The following WDR70 variants were observed in gnomAD, a reference collection of about 807,000 sequenced individuals.
WDR70 encodes WD repeat domain 70.
Under a neutral mutation model 88.6 loss-of-function variants are expected in WDR70, and 53 were observed. That is an observed-to-expected ratio of 0.60 (90% confidence interval 0.48 to 0.75). The LOEUF is 0.75. Among genes scored for constraint, WDR70 ranks in the 30% least tolerant of loss-of-function variants. The pLI is 0.00. For synonymous variants in WDR70, 280 were observed against 270.0 expected (o/e 1.04, Z -0.36); for missense variants, 610 against 823.2 (o/e 0.74, Z 3.17).
chr5:37,650,565 G>T (rs78499569), intron 10 of WDR70, among the ~76,000 whole-genome samples: 36 of 152,294 alleles, frequency 2.4e-4, no homozygotes, highest in African/African-American at 8.7e-4. Context: ...AAGTAAAAAT[G>T]TATGCGTTTA....
rs756805874 is a variant in WDR70, at chr5:37,724,961, C to T, written c.1625C>T (p.Pro542Leu). 60 of 1,613,428 alleles carry T rather than the reference C, an allele frequency of 3.7e-5. No individual in the cohort carries two copies. Among genetic ancestry groups the T allele is most frequent in the Non-Finnish European group, 5.0e-5 (59 of 1,179,694 alleles). Residue 542 changes from proline to leucine, a missense_variant, in exon 16 of 18, where the codon CCC (proline) becomes CTC (leucine). Physicochemically the swap from Pro to Leu is moderately conservative, Grantham distance 98. Transcript: ENST00000265107. ...CATGCCTTGCCTATGTTCCGTGAGC[C>T]CCGCCAACGGAGTACAAGGAAACAG... The part of the protein sequence containing the change: ...TPHALPMFRE[P>L]RQRSTRKQLE...
At chr5:37,664,934 G>A (rs1745796059) in intron 10 of WDR70, among the ~76,000 whole-genome samples, 1 of 152,224 alleles carries the variant, frequency 6.6e-6, no homozygotes, top group Non-Finnish European at 1.5e-5. Context: ...GTGTCATACA[G>A]TTTCAAGGCA....
chr5:37,624,515 C>G (rs1191753590), intron 10 of WDR70, among the ~76,000 whole-genome samples: 1 of 152,160 alleles, frequency 6.6e-6, no homozygotes, highest in Non-Finnish European at 1.5e-5. Context: ...ATACAGGTAT[C>G]TTTTTGACAC....
At chr5:37,495,462 C>G (rs4869518) in intron 8 of WDR70, among the ~76,000 whole-genome samples, 1 of 151,618 alleles carries the variant, frequency 6.6e-6, no homozygotes, top group Non-Finnish European at 1.5e-5. Flanking sequence ...CTCTCTCTCT[C>G]TCTTTCTCTC....
rs1581345864 is a variant in WDR70 at position 37,505,716 on chromosome 5, G to C, written c.841-10798G>C. On this transcript the variant is annotated intron_variant, in intron 8 of 17. Transcript: ENST00000265107. The stretch of plus-strand genomic sequence containing the variant: ...TCTGACATTTTGCGACATGTATAGT[G>C]GTGTCAGCATCTCTTCAAATATAGC... 4.6e-6 allele frequency: 5 copies of C among 1,093,308 alleles called. No individual in the cohort carries two copies. In the East Asian group the frequency reaches 1.2e-4, roughly 26 times the overall value. The allele number at this position is 1,093,308 out of a possible 1,614,324, so 67.7% of individuals were successfully genotyped here. A position where few individuals can be genotyped will look rare whatever the true frequency, so the allele number is the denominator to read the frequency against.
At chr5:37,642,840 G>GT (rs1745138695) in intron 10 of WDR70, among the ~76,000 whole-genome samples, 1 of 152,016 alleles carries the variant, frequency 6.6e-6, no homozygotes, top group South Asian at 2.1e-4. Context: ...TAGATTATTA[G>GT]TTTTTTTCCA....
At chr5:37,415,359 C>G (rs1169264729) in intron 5 of WDR70, among the ~76,000 whole-genome samples, 17 of 139,320 alleles carry the variant, frequency 1.2e-4, no homozygotes, top group Admixed American at 6.5e-4. Flanking sequence ...TAGGGGCGGC[C>G]GGGCAGAGGC....
At chr5:37,579,933 A>T (rs1743171766) in intron 9 of WDR70, among the ~76,000 whole-genome samples, 1 of 152,152 alleles carries the variant, frequency 6.6e-6, no homozygotes, top group Non-Finnish European at 1.5e-5. Context: ...AGATTAATAT[A>T]CTTAAAAATT....
chr5:37,499,587 T>TTC (rs72226896), intron 8 of WDR70, among the ~76,000 whole-genome samples: 485 of 41,800 alleles, frequency 0.012, 6 homozygotes, highest in African/African-American at 0.026. Flanking sequence ...TTTGGAAATA[T>TTC]TCTCTCTCTC....
chr5:37,486,588 G>A (rs986769385), intron 8 of WDR70, among the ~76,000 whole-genome samples: 10 of 152,180 alleles, frequency 6.6e-5, no homozygotes, highest in Admixed American at 4.6e-4. Flanking sequence ...CATGTGATCC[G>A]CCTGCCTTGG....
intron 17 of WDR70, among the ~76,000 whole-genome samples, chr5:37,746,374 G>A (rs1234506151): frequency 5.3e-5 from 8 of 151,960 alleles, no homozygotes; most frequent in Middle Eastern, 6.8e-3. Flanking sequence ...GAGCTAGAGC[G>A]GCAAGAGCAG....
intron 10 of WDR70, among the ~76,000 whole-genome samples, chr5:37,612,284 A>AAT (rs759705988): frequency 9.9e-5 from 15 of 152,164 alleles, no homozygotes; most frequent in Non-Finnish European, 2.9e-5. Context: ...AATGTAGAAG[A>AAT]ATATATATGT....
chr5:37,586,125 C>T (rs1332168968), intron 9 of WDR70, among the ~76,000 whole-genome samples: 1 of 152,192 alleles, frequency 6.6e-6, no homozygotes, highest in African/African-American at 2.4e-5. Flanking sequence ...CCTTCTCTCC[C>T]CATTCTGGCA....
chr5:37,591,177 A>G (rs1315918891), intron 9 of WDR70, among the ~76,000 whole-genome samples: 2 of 152,124 alleles, frequency 1.3e-5, no homozygotes. Context: ...TTCTAAAAAT[A>G]CAAAAGTTAG....
chr5:37,487,649 G>T (rs1280217285), intron 8 of WDR70, among the ~76,000 whole-genome samples: 1 of 134,288 alleles, frequency 7.4e-6, no homozygotes, highest in Non-Finnish European at 1.5e-5. Flanking sequence ...TTTTTTGAGA[G>T]GGTGTCTGGT....
intron 10 of WDR70, among the ~76,000 whole-genome samples, chr5:37,605,604 C>T (rs534466765): frequency 2.6e-5 from 4 of 152,192 alleles, no homozygotes; most frequent in African/African-American, 9.6e-5. Context: ...AGAAAATACC[C>T]TTTAAAAGAT....
chr5:37,615,529 G>A (rs971879551), intron 10 of WDR70, among the ~76,000 whole-genome samples: 1 of 152,164 alleles, frequency 6.6e-6, no homozygotes, highest in African/African-American at 2.4e-5. Context: ...GCAAAGGGAC[G>A]TCATCTTTCT....
intron 10 of WDR70, among the ~76,000 whole-genome samples, chr5:37,674,007 C>A (rs1746116367): frequency 6.6e-6 from 1 of 152,040 alleles, no homozygotes; most frequent in Non-Finnish European, 1.5e-5. Context: ...TTTTCTTTAT[C>A]CAGTCTATCA....
At chr5:37,418,381 G>A (rs1317102014) in intron 5 of WDR70, among the ~76,000 whole-genome samples, 12 of 152,136 alleles carry the variant, frequency 7.9e-5, no homozygotes, top group African/African-American at 2.9e-4. Flanking sequence ...GTGCAGTGGC[G>A]TGATCTCGGC....
Sources: allele counts gnomAD v4.1 joint callset (sites outside exome capture counted in the v4.1 genomes callset), GRCh38; gene constraint gnomAD v4.1.1; transcripts MANE v1.5; gene names NCBI Gene and HGNC (gene_info 2026-07-23, HGNC 2026-07-21).